Variants in KAT2A observed in about 807,000 individuals in gnomAD.
KAT2A encodes lysine acetyltransferase 2A, also known as histone acetyltransferase KAT2A.
KAT2A carries 42 observed loss-of-function variants against 95.2 expected under a neutral mutation model. The ratio of observed to expected loss-of-function variants is 0.44; its 90% CI spans 0.34 to 0.57. The LOEUF is 0.57. KAT2A is among the 20% of genes least tolerant of loss of function. The pLI is 0.01. For synonymous variants in KAT2A, 449 were observed against 448.2 expected (o/e 1.00, Z -0.02); for missense variants, 784 against 1,126.3 (o/e 0.70, Z 4.35).
At chr17:42,120,636 TGG>T in intron 2 of KAT2A, 68 bp downstream of exon 2, 1 of 1,581,824 alleles carries the variant, frequency 6.3e-7, no homozygotes, top group Admixed American at 1.7e-5. Flanking sequence ...TGAAGCTTTG[TGG>T]CACTTGTCAC....
intron 12 of KAT2A, 96 bp downstream of exon 12, chr17:42,115,627 G>A (rs1555665809): frequency 1.3e-6 from 1 of 786,652 alleles, no homozygotes; most frequent in Non-Finnish European, 2.3e-6. Flanking sequence ...TGAAGTAGGG[G>A]ACGCAAAGGG....
chr17:42,118,309 C>T lies in KAT2A; in HGVS notation c.1168G>A (p.Val390Ile). 1.2e-6 allele frequency: 2 copies of T among 1,611,058 alleles called. No individual in the cohort carries two copies. The highest frequency in any genetic ancestry group is 3.3e-4 in the Middle Eastern group (2 of 6,060). Residue 390 changes from valine to isoleucine, a missense_variant, in exon 7 of 18, where the codon GTT (valine) becomes ATT (isoleucine). Physicochemically the swap from Val to Ile is conservative, Grantham distance 29. Around this residue, in one of 6 missense-constraint regions of KAT2A, gnomAD observed 63 missense variants for 70.1 expected, o/e 0.90. Transcript: ENST00000225916. The stretch of plus-strand genomic sequence containing the variant: ...CCATGGCACATACCTGGCCGGGGAA[C>T]CAGCTGTGTCCCCTCTGAGGGTGGC... ...TMPPSEGTQL[V>I]PRPASVSAAV... is the part of the protein sequence containing the mutation.
At position 42,114,872 on chromosome 17, in the gene KAT2A, T is replaced by G. The variant is rs782332692; in HGVS notation, c.2019+20A>C. On this transcript the variant is annotated intron_variant, in intron 13 of 17. Coordinates refer to ENST00000225916, the MANE Select transcript of KAT2A (RefSeq NM_021078.3). This position sits in a 1 kb window ranked among gnomAD's most constrained non-coding sequence, Gnocchi z 6.0. ...GCCCATTCATGAAAAATCCCACAGA[T>G]GCGCATGTGTGCACACCACCTCTTT... 1.5e-5 allele frequency: 24 copies of G among 1,613,468 alleles called. 1 individual carries two copies. Among genetic ancestry groups the G allele is most frequent in the East Asian group, 2.2e-5 (1 of 44,880 alleles).
Position 42,114,843 on chromosome 17 carries a change from G to A in KAT2A, c.2019+49C>T, listed in dbSNP as rs2054231736. On this transcript the variant is annotated intron_variant, in intron 13 of 17. Transcript: ENST00000225916. The surrounding 1 kb of genome is among the most constrained non-coding windows in gnomAD (Gnocchi z 6.0). Reference sequence around the variant, plus strand: ...GTCTACACACGTGTGCTCGCCCTCTGCATGCCCATTCATGAAAAATCCCAC... The same window carrying A: ...GTCTACACACGTGTGCTCGCCCTCTACATGCCCATTCATGAAAAATCCCAC... 6.3e-7 allele frequency: 1 copy of A among 1,597,794 alleles called. No individual in the cohort carries two copies. The highest frequency in any genetic ancestry group is 1.7e-5 in the Admixed American group (1 of 59,812).
intron 11 of KAT2A, among the ~76,000 whole-genome samples, chr17:42,116,124 G>GAA (rs1259848598): frequency 6.6e-6 from 1 of 152,188 alleles, no homozygotes; most frequent in Non-Finnish European, 1.5e-5. Context: ...TTACAGAAGA[G>GAA]AAAACCGAAA....
rs201715776 is a variant in KAT2A, at chr17:42,118,273, T to C, written c.1180+24A>G. 2.1e-5 allele frequency: 33 copies of C among 1,541,108 alleles called. No homozygotes were observed. In the East Asian group the frequency reaches 2.9e-4, roughly 14 times the overall value. On this transcript the variant is annotated intron_variant, in intron 7 of 17. Transcript: ENST00000225916. ...GCTCAGCCAGGCAGGCCAGACACCCTACAGAGCGTACCATGGCACATACCT... is the reference window on the plus strand; with the variant it reads ...GCTCAGCCAGGCAGGCCAGACACCCCACAGAGCGTACCATGGCACATACCT...
At chr17:42,118,451 A>G in intron 6 of KAT2A, 48 bp from the exon 7 acceptor site, 1 of 1,336,800 alleles carries the variant, frequency 7.5e-7, no homozygotes. Flanking sequence ...TCCAGGGTGC[A>G]GCCTGGGCCA....
Position 42,114,505 on chromosome 17 carries a change from T to A in KAT2A, c.2119A>T (p.Ser707Cys). The change falls in exon 14 of 18, where the codon AGC (serine) becomes TGC (cysteine). Residue 707 changes from serine to cysteine, a missense_variant. Coordinates refer to ENST00000225916, the MANE Select transcript of KAT2A (RefSeq NM_021078.3). This position sits in a 1 kb window ranked among gnomAD's most constrained non-coding sequence, Gnocchi z 6.0. ...CCCTGCTTACGAATGCCAGGAACGC[T>A]CTCCACAGGGATCTGCCTCACGCCC... Reference protein sequence around the residue: ...KEGVRQIPVESVPGIRETGWK... With the variant: ...KEGVRQIPVECVPGIRETGWK... 6.2e-7 allele frequency: 1 copy of A among 1,613,946 alleles called. No individual in the cohort carries two copies. Among genetic ancestry groups the A allele is most frequent in the Non-Finnish European group, 8.5e-7 (1 of 1,179,920 alleles).
chr17:42,120,197 C>T, intron 3 of KAT2A, 28 bp downstream of exon 3: 1 of 1,614,078 alleles, frequency 6.2e-7, no homozygotes, highest in South Asian at 1.1e-5. Context: ...ACCTCCTTCA[C>T]TCACACCCTC....
rs1438457688 is a variant in KAT2A at position 42,121,066 on chromosome 17, C to G, written c.239G>C (p.Gly80Ala). Reference sequence around the variant, plus strand: ...ACTGGCGCGCTGCTGCTGGCTCAGGCCAGGTCGAGCCGGATCCCCCCCGCT... The same window carrying G: ...ACTGGCGCGCTGCTGCTGGCTCAGGGCAGGTCGAGCCGGATCCCCCCCGCT... The part of the protein sequence containing the change: ...AGSGGDPARP[G>A]LSQQQRASQR... Residue 80 changes from glycine (G) to alanine (A), a missense_variant, in exon 1 of 18, where the codon GGC becomes GCC. Transcript: ENST00000225916. 1.3e-6 allele frequency: 2 copies of G among 1,573,840 alleles called. No individual in the cohort carries two copies. Among genetic ancestry groups the G allele is most frequent in the African/African-American group, 1.3e-5 (1 of 74,198 alleles).
chr17:42,116,545 T>C (rs569136984), intron 11 of KAT2A, among the ~76,000 whole-genome samples: 2 of 150,134 alleles, frequency 1.3e-5, no homozygotes, highest in African/African-American at 2.4e-5. Context: ...CCCTGCAACA[T>C]GGTGAAACCC....
chr17:42,115,127 G>A (rs2054237337), intron 12 of KAT2A, 92 bp from the exon 13 acceptor site: 4 of 1,291,788 alleles, frequency 3.1e-6, no homozygotes, highest in African/African-American at 1.5e-5. Context: ...AGTAGCACGT[G>A]CCACTTGCCA....
Position 42,119,700 on chromosome 17 carries a change from G to A in KAT2A, c.718C>T (p.Gln240Ter). Residue 240 changes from glutamine (Q) to a stop codon, truncating the protein, a stop_gained, in exon 5 of 18, where the codon CAG becomes TAG. Coordinates refer to ENST00000225916, the MANE Select transcript of KAT2A (RefSeq NM_021078.3). LOFTEE classifies it high-confidence loss of function. This position sits in a 1 kb window ranked among gnomAD's most constrained non-coding sequence, Gnocchi z 5.3. ...NIEQGVLNFV[Q>*]YKFSHLAPRE... ...GGAGCCAGGTGACTAAACTTGTACT[G>A]CACAAAGTTCAGCACACCCTGAGAA... The A allele has an allele frequency of 1.2e-6, 2 of 1,608,726 alleles. No homozygotes were observed. Among genetic ancestry groups the A allele is most frequent in the Non-Finnish European group, 1.7e-6 (2 of 1,177,384 alleles).
In KAT2A at chr17:42,114,513, G is replaced by A. The variant is rs1401285516; in HGVS notation, c.2111C>T (p.Pro704Leu). ...ACGAATGCCAGGAACGCTCTCCACA[G>A]GGATCTGCCTCACGCCCTCCTTGAA... ...SCFKEGVRQI[P>L]VESVPGIRET... Residue 704 changes from proline (P) to leucine (L), a missense_variant, in exon 14 of 18, where the codon CCT becomes CTT. Physicochemically the swap from Pro to Leu is moderately conservative, Grantham distance 98 (BLOSUM62 -3). Coordinates refer to ENST00000225916, the MANE Select transcript of KAT2A (RefSeq NM_021078.3). This position sits in a 1 kb window ranked among gnomAD's most constrained non-coding sequence, Gnocchi z 6.0. 2.5e-6 allele frequency: 4 copies of A among 1,613,982 alleles called. No individual in the cohort carries two copies. The highest frequency in any genetic ancestry group is 3.4e-6 in the Non-Finnish European group (4 of 1,179,990).
chr17:42,119,312 T>C lies in KAT2A; in HGVS notation c.1006A>G (p.Lys336Glu), dbSNP rs782064183. The change falls in exon 6 of 18, where the codon AAG becomes GAG. Residue 336 changes from lysine (K) to glutamate (E), a missense_variant. This residue lies in a region of KAT2A where 208 missense variants were observed against 339.7 expected (regional missense o/e 0.61). Transcript: ENST00000225916. The surrounding 1 kb of genome is among the most constrained non-coding windows in gnomAD (Gnocchi z 5.3). ...AATTTGTCCTTCTCCACTCGGAACT[T>C]TTCCAGCAGCTGCCGGCGGGTAACG... ...FTVTRRQLLE[K>E]FRVEKDKLVP... The C allele has an allele frequency of 6.2e-7, 1 of 1,614,012 alleles. No homozygotes were observed. The highest frequency in any genetic ancestry group is 1.3e-5 in the African/African-American group (1 of 74,942).
Position 42,116,925 on chromosome 17 carries a change from C to T in KAT2A, c.1764+110G>A, listed in dbSNP as rs573773769. The stretch of plus-strand genomic sequence containing the variant: ...GGGGATGTGAGGAACGGGCCGCTAA[C>T]TAAGAGAAGAGCAACGGGCTGCTGC... On this transcript the variant is annotated intron_variant, in intron 11 of 17. Transcript: ENST00000225916. 5.1e-6 allele frequency: 7 copies of T among 1,363,334 alleles called. No homozygotes were observed. In the East Asian group the frequency reaches 1.4e-4, roughly 27 times the overall value. 84.5% of individuals were successfully genotyped at this position (1,363,334 alleles called of 1,614,324 possible).
chr17:42,120,997 A>C lies in KAT2A; in HGVS notation c.308T>G (p.Leu103Arg). 1 of 1,593,574 alleles carries C rather than the reference A, an allele frequency of 6.3e-7. No homozygotes were observed. Among genetic ancestry groups the C allele is most frequent in the Non-Finnish European group, 8.5e-7 (1 of 1,171,448 alleles). Residue 103 changes from leucine to arginine, a missense_variant, in exon 1 of 18, where the codon CTT (leucine) becomes CGT (arginine). Transcript: ENST00000225916. Reference protein sequence around the residue: ...QVRGLPRAKKLEKLGVFSACK... With the variant: ...QVRGLPRAKKREKLGVFSACK... ...AGCCGAGAAGACCCCTAGCTTCTCAAGCTTCTTGGCGCGCGGCAGCCCCCG... is the reference window on the plus strand; with the variant it reads ...AGCCGAGAAGACCCCTAGCTTCTCACGCTTCTTGGCGCGCGGCAGCCCCCG...
In KAT2A at chr17:42,120,967, T is replaced by G; in HGVS notation, c.338A>C (p.Lys113Thr). The change falls in exon 1 of 18, where the codon AAG becomes ACG. Residue 113 changes from lysine to threonine, a missense_variant and splice_region_variant. Physicochemically the swap from Lys to Thr is moderately conservative, Grantham distance 78. This residue lies in a region of KAT2A where 208 missense variants were observed against 339.7 expected (regional missense o/e 0.61). Coordinates refer to ENST00000225916, the MANE Select transcript of KAT2A (RefSeq NM_021078.3). ...LEKLGVFSAC[K>T]ANETCKCNGW... ...CTTCACCCCAGGCCCCGCCCCCACC[T>G]TGCAAGCCGAGAAGACCCCTAGCTT... The G allele has an allele frequency of 7.5e-7, 1 of 1,341,324 alleles. No individual in the cohort carries two copies. The highest frequency in any genetic ancestry group is 1.0e-6 in the Non-Finnish European group (1 of 977,254). 83.1% of individuals were successfully genotyped at this position (1,341,324 alleles called of 1,614,324 possible).
At chr17:42,120,938 G>A in intron 1 of KAT2A, 28 bp downstream of exon 1, 1 of 1,250,370 alleles carries the variant, frequency 8.0e-7, no homozygotes, top group Non-Finnish European at 1.1e-6. Flanking sequence ...CCCAAGCCCC[G>A]CCCCTTCACC....
Sources: allele counts gnomAD v4.1 joint callset (sites outside exome capture counted in the v4.1 genomes callset), GRCh38; gene constraint gnomAD v4.1.1; regional missense constraint gnomAD v4.1.1; non-coding constraint Gnocchi (gnomAD v3.1); transcripts MANE v1.5; gene names NCBI Gene and HGNC (gene_info 2026-07-23, HGNC 2026-07-21).